MCM9: variants seen among roughly 807,000 people sequenced by gnomAD.
MCM9 encodes DNA helicase MCM9.
Under a neutral mutation model 72.8 loss-of-function variants are expected in MCM9, and 55 were observed. The observed-to-expected ratio is 0.76, with a 90% CI of 0.61 to 0.95. The LOEUF (loss-of-function observed/expected upper bound fraction) is 0.95, where lower values mean the gene tolerates loss of function less well. Among genes scored for constraint, MCM9 ranks in the 40% least tolerant of loss-of-function variants. The pLI is 0.00. For synonymous variants in MCM9, 480 were observed against 503.4 expected (o/e 0.95, Z 0.62); for missense variants, 1,279 against 1,377.0 (o/e 0.93, Z 1.13).
intron 8 of MCM9, among the ~76,000 whole-genome samples, chr6:118,875,333 G>A (rs940160420): frequency 6.6e-6 from 1 of 152,092 alleles, no homozygotes; most frequent in African/African-American, 2.4e-5. Context: ...TTCAACCCAA[G>A]CTAATCAAAC....
At chr6:118,844,192 G>C (rs1171971515) in intron 9 of MCM9, among the ~76,000 whole-genome samples, 2 of 151,734 alleles carry the variant, frequency 1.3e-5, no homozygotes, top group Admixed American at 1.3e-4. Context: ...CAAGAGTTTT[G>C]CATTTGGCAG....
At chr6:118,837,070 G>T (rs1467425227) in intron 9 of MCM9, among the ~76,000 whole-genome samples, 1 of 152,138 alleles carries the variant, frequency 6.6e-6, no homozygotes, top group Admixed American at 6.5e-5. Context: ...CTGGTACGTT[G>T]TGACTTTGTT....
intron 8 of MCM9, among the ~76,000 whole-genome samples, chr6:118,879,728 A>C (rs190205316): frequency 6.7e-6 from 1 of 150,286 alleles, no homozygotes; most frequent in African/African-American, 2.5e-5. Flanking sequence ...TTGGGACATC[A>C]AATTAAAAAA....
In MCM9 at chr6:118,877,645, A is replaced by G. The variant is rs145334054; in HGVS notation, c.1151-21100T>C. On this transcript the variant is annotated intron_variant, in intron 8 of 13. Coordinates refer to ENST00000619706, the MANE Select transcript of MCM9 (RefSeq NM_017696.3). ...TGGAAAAGAGTTTGGCAATATCTAC[A>G]AAAGTTTCAGTTATACATACTCATG... is the stretch of plus-strand genomic sequence containing the variant. 4.1e-3 allele frequency among the ~76,000 whole-genome samples: 628 copies of G among 152,278 alleles called. 9 individuals are homozygous for G. The East Asian group carries it at 0.044, about 11-fold the overall frequency.
At chr6:118,922,779 C>G (rs1781536392) in intron 4 of MCM9, among the ~76,000 whole-genome samples, 1 of 152,080 alleles carries the variant, frequency 6.6e-6, no homozygotes, top group Non-Finnish European at 1.5e-5. Flanking sequence ...CATCTGTAAT[C>G]CCAGCACTTT....
rs1773236482 is a variant in MCM9 at position 118,813,461 on chromosome 6, T to G, written c.*1363A>C. On this transcript the variant is annotated 3_prime_UTR_variant, in exon 14 of 14. Coordinates refer to ENST00000619706, the MANE Select transcript of MCM9 (RefSeq NM_017696.3). The stretch of plus-strand genomic sequence containing the variant: ...ACTAAATTTGTACTCACAGTTTAAA[T>G]TTTTTCAGAAAATTTTATTAGTGAA... 1 of 152,214 alleles carries G rather than the reference T, an allele frequency of 6.6e-6. No homozygotes were observed. Among genetic ancestry groups the G allele is most frequent in the South Asian group, 2.1e-4 (1 of 4,834 alleles). The allele number at this position is 152,214 out of a possible 1,614,324, so 9.4% of individuals were successfully genotyped here.
intron 4 of MCM9, among the ~76,000 whole-genome samples, chr6:118,923,585 T>C (rs1195386815): frequency 6.6e-6 from 1 of 152,240 alleles, no homozygotes; most frequent in East Asian, 1.9e-4. Context: ...TTAATATAAT[T>C]AAGTCATTTC....
At chr6:118,914,786 A>T (rs1187177458) in intron 6 of MCM9, among the ~76,000 whole-genome samples, 2 of 152,212 alleles carry the variant, frequency 1.3e-5, no homozygotes, top group Non-Finnish European at 2.9e-5. Flanking sequence ...ACTGAGTAAC[A>T]TGCTGATGGG....
chr6:118,849,304 A>G (rs1359793012), intron 9 of MCM9, among the ~76,000 whole-genome samples: 1 of 151,884 alleles, frequency 6.6e-6, no homozygotes, highest in African/African-American at 2.4e-5. Context: ...AGAGATGCAA[A>G]GAGAAACAAA....
At chr6:118,830,106 T>G (rs528035605) in intron 9 of MCM9, among the ~76,000 whole-genome samples, 1 of 152,272 alleles carries the variant, frequency 6.6e-6, no homozygotes, top group Admixed American at 6.5e-5. Flanking sequence ...GTGACATAAC[T>G]TAGATATTGT....
At chr6:118,925,590 T>C (rs980063469) in intron 3 of MCM9, among the ~76,000 whole-genome samples, 2 of 152,320 alleles carry the variant, frequency 1.3e-5, no homozygotes, top group Middle Eastern at 3.4e-3. Context: ...CTCCATACAC[T>C]GTAGAGTGTA....
intron 8 of MCM9, chr6:118,910,877 G>T: frequency 2.0e-6 from 2 of 985,236 alleles, no homozygotes; most frequent in Non-Finnish European, 2.4e-6. Flanking sequence ...TAAAGTGTTA[G>T]TTTCTCATTA....
chr6:118,930,189 C>A (rs1214739447), intron 3 of MCM9, among the ~76,000 whole-genome samples: 1 of 152,152 alleles, frequency 6.6e-6, no homozygotes, highest in Non-Finnish European at 1.5e-5. Context: ...CGGCTCACTG[C>A]AAGCTCCGCC....
intron 8 of MCM9, among the ~76,000 whole-genome samples, chr6:118,886,055 CAA>C (rs36183265): frequency 0.012 from 1,739 of 142,864 alleles, 37 homozygotes; most frequent in African/African-American, 0.042. Context: ...AATAAGGGAC[CAA>C]AAAAAAAAAA....
chr6:118,840,391 A>G (rs1159936002), intron 9 of MCM9, among the ~76,000 whole-genome samples: 2 of 152,016 alleles, frequency 1.3e-5, no homozygotes, highest in African/African-American at 4.8e-5. Context: ...CTGTTAAGTC[A>G]CTGTTTGCTA....
In MCM9 at chr6:118,848,075, A is replaced by AGAT. The variant is rs1432532179; in HGVS notation, c.1325+8293_1325+8295dup. ...AGAGGATGGGCTTCATTCAACCAAG[A>AGAT]GATGATGATGATGCCCTGGCCCTCC... is the stretch of plus-strand genomic sequence containing the variant. On this transcript the variant is annotated intron_variant, in intron 9 of 13. Coordinates refer to ENST00000619706, the MANE Select transcript of MCM9 (RefSeq NM_017696.3). Among the ~76,000 whole-genome samples the AGAT allele has an allele frequency of 2.7e-4, 41 of 152,022 alleles. 2 individuals are homozygous for AGAT. Among genetic ancestry groups the AGAT allele is most frequent in the African/African-American group, 9.9e-4 (41 of 41,276 alleles).
intron 8 of MCM9, chr6:118,909,311 A>G (rs1277020077): frequency 6.6e-6 from 1 of 152,188 alleles, no homozygotes; most frequent in African/African-American, 2.4e-5. Flanking sequence ...AGTGACATCA[A>G]AGGGTTAGGT....
chr6:118,923,666 T>C, intron 4 of MCM9, 145 bp downstream of exon 4: 2 of 686,964 alleles, frequency 2.9e-6, no homozygotes, highest in Non-Finnish European at 2.4e-6. Context: ...TTCAGATATA[T>C]GTGGAACAGT....
chr6:118,838,879 A>C (rs998534561), intron 9 of MCM9, among the ~76,000 whole-genome samples: 2 of 151,820 alleles, frequency 1.3e-5, no homozygotes, highest in Admixed American at 1.3e-4. Context: ...CTTCATTTCA[A>C]CCTTGGTGAA....
Sources: allele counts gnomAD v4.1 joint callset (sites outside exome capture counted in the v4.1 genomes callset), GRCh38; gene constraint gnomAD v4.1.1; transcripts MANE v1.5; gene names NCBI Gene and HGNC (gene_info 2026-07-23, HGNC 2026-07-21).